The following BMPR1B variants were observed in gnomAD, a reference collection of about 807,000 sequenced individuals.
The protein encoded by BMPR1B is bone morphogenetic protein receptor type 1B.
BMPR1B carries 12 observed loss-of-function variants against 59.1 expected under a neutral mutation model. The observed-to-expected ratio is 0.20, with a 90% CI of 0.13 to 0.33. The LOEUF (loss-of-function observed/expected upper bound fraction) is 0.33, where lower values mean the gene tolerates loss of function less well. Among genes scored for constraint, BMPR1B ranks in the 10% least tolerant of loss-of-function variants. BMPR1B has a pLI of 1.00. For synonymous variants in BMPR1B, 237 were observed against 207.3 expected, an observed-to-expected ratio of 1.14 and a Z score of -1.23; for missense variants, 550 against 610.9, an observed-to-expected ratio of 0.90 and a Z score of 1.05.
At chr4:94,909,782 C>T (rs1216110593) in intron 2 of BMPR1B, among the ~76,000 whole-genome samples, 3 of 151,996 alleles carry the variant, frequency 2.0e-5, no homozygotes, top group Non-Finnish European at 4.4e-5. Flanking sequence ...AGTTCTGGAC[C>T]AAACCACTCA....
intron 2 of BMPR1B, among the ~76,000 whole-genome samples, chr4:94,904,154 A>C (rs1340602236): frequency 1.3e-5 from 2 of 152,002 alleles, no homozygotes; most frequent in Admixed American, 6.6e-5. Context: ...GTCATTCTTT[A>C]TATTTTAAAC....
At chr4:95,136,370 T>C (rs1733786341) in intron 10 of BMPR1B, among the ~76,000 whole-genome samples, 1 of 152,216 alleles carries the variant, frequency 6.6e-6, no homozygotes, top group South Asian at 2.1e-4. Context: ...TCTAAAATTC[T>C]CTTTTTTTGT....
Position 94,914,614 on chromosome 4 carries a change from CAAAG to C in BMPR1B, c.-113+38717_-113+38720del, listed in dbSNP as rs1355335974. Among the ~76,000 whole-genome samples the C allele has an allele frequency of 6.6e-5, 10 of 152,034 alleles. No homozygotes were observed. In the South Asian group the frequency reaches 1.9e-3, roughly 28 times the overall value. ...ACTGAACTTAAGGTTCTAATGAAGT[CAAAG>C]AATGGTTTTAGTGGATACAGTTGAA... On this transcript the variant is annotated intron_variant, in intron 2 of 12. Transcript: ENST00000515059.
intron 2 of BMPR1B, among the ~76,000 whole-genome samples, chr4:94,958,669 A>G (rs1183849735): frequency 1.3e-5 from 2 of 152,164 alleles, no homozygotes; most frequent in Non-Finnish European, 1.5e-5. Flanking sequence ...ACTTCATCGT[A>G]TGAATTTTGG....
chr4:94,783,176 C>T (rs1474263888), intron 1 of BMPR1B, among the ~76,000 whole-genome samples: 3 of 152,044 alleles, frequency 2.0e-5, no homozygotes, highest in African/African-American at 4.8e-5. Context: ...AATTGCTGGC[C>T]GATTGTTCTA....
At chr4:94,834,383 A>G (rs1330304373) in intron 1 of BMPR1B, among the ~76,000 whole-genome samples, 1 of 151,742 alleles carries the variant, frequency 6.6e-6, no homozygotes, top group African/African-American at 2.4e-5. Context: ...ATACTGTCCC[A>G]TTTTCTTCCT....
chr4:95,107,326 T>C (rs1450003829), intron 4 of BMPR1B, among the ~76,000 whole-genome samples: 4 of 152,048 alleles, frequency 2.6e-5, no homozygotes, highest in African/African-American at 9.7e-5. Flanking sequence ...ATCAGATTTA[T>C]AGACACTGAT....
chr4:94,933,597 C>G (rs899409144), intron 2 of BMPR1B, among the ~76,000 whole-genome samples: 2 of 152,074 alleles, frequency 1.3e-5, no homozygotes, highest in South Asian at 2.1e-4. Context: ...TGGATGGATT[C>G]TAAATGGCCT....
intron 3 of BMPR1B, among the ~76,000 whole-genome samples, chr4:95,062,407 A>G (rs961119252): frequency 1.3e-5 from 2 of 152,190 alleles, no homozygotes; most frequent in Non-Finnish European, 2.9e-5. Flanking sequence ...CTGGGAATGC[A>G]GCTTATGCAT....
At chr4:95,031,925 T>G (rs953634061) in intron 3 of BMPR1B, among the ~76,000 whole-genome samples, 4 of 152,040 alleles carry the variant, frequency 2.6e-5, no homozygotes, top group African/African-American at 9.7e-5. Flanking sequence ...GACTAATGTC[T>G]CAAAGAAAAA....
chr4:94,908,095 AAAC>A (rs1728127066), intron 2 of BMPR1B, among the ~76,000 whole-genome samples: 1 of 149,806 alleles, frequency 6.7e-6, no homozygotes, highest in Non-Finnish European at 1.5e-5. Context: ...AAAAAAGAAA[AAAC>A]AAAAAAAAGT....
At chr4:94,890,215 G>A (rs940562441) in intron 2 of BMPR1B, among the ~76,000 whole-genome samples, 2 of 152,052 alleles carry the variant, frequency 1.3e-5, no homozygotes, top group African/African-American at 4.8e-5. Context: ...CCTGAGAAGT[G>A]ACACATGCAA....
At chr4:94,768,964 A>G (rs1360777620) in intron 1 of BMPR1B, among the ~76,000 whole-genome samples, 8 of 152,186 alleles carry the variant, frequency 5.3e-5, no homozygotes, top group Non-Finnish European at 8.8e-5. Context: ...ACAAAAATCT[A>G]TAATTATACA....
intron 2 of BMPR1B, among the ~76,000 whole-genome samples, chr4:94,890,242 G>C (rs756332206): frequency 6.6e-6 from 1 of 152,040 alleles, no homozygotes; most frequent in Non-Finnish European, 1.5e-5. Flanking sequence ...TTCTCTTTCT[G>C]ATGCTGCTGA....
intron 3 of BMPR1B, among the ~76,000 whole-genome samples, chr4:95,078,768 C>A (rs1334422567): frequency 6.6e-6 from 1 of 151,938 alleles, no homozygotes; most frequent in Non-Finnish European, 1.5e-5. Flanking sequence ...TTTTTCCTTA[C>A]TATTTTTGAG....
At chr4:95,118,112 A>T (rs1223351142) in intron 6 of BMPR1B, among the ~76,000 whole-genome samples, 1 of 152,134 alleles carries the variant, frequency 6.6e-6, no homozygotes, top group Non-Finnish European at 1.5e-5. Flanking sequence ...CTCAGGTGGT[A>T]CTTAGGCAAG....
chr4:94,816,070 T>C (rs569621577), intron 1 of BMPR1B, among the ~76,000 whole-genome samples: 180 of 152,348 alleles, frequency 1.2e-3, no homozygotes, highest in African/African-American at 3.9e-3. Flanking sequence ...CTTTTACTTA[T>C]ATTTTGTTTT....
chr4:95,009,045 ACTCT>A, intron 3 of BMPR1B, among the ~76,000 whole-genome samples: 1 of 151,470 alleles, frequency 6.6e-6, no homozygotes, highest in Non-Finnish European at 1.5e-5. Context: ...ACAGAATGAG[ACTCT>A]CTGTCTCTCT....
chr4:94,887,065 T>C (rs761528812), intron 2 of BMPR1B, among the ~76,000 whole-genome samples: 74 of 152,036 alleles, frequency 4.9e-4, no homozygotes, highest in Non-Finnish European at 8.2e-4. Context: ...GAAGAGCGAT[T>C]CTTTGGCAAT....
Sources: allele counts gnomAD v4.1 joint callset (sites outside exome capture counted in the v4.1 genomes callset), GRCh38; gene constraint gnomAD v4.1.1; transcripts MANE v1.5; gene names NCBI Gene and HGNC (gene_info 2026-07-23, HGNC 2026-07-21).